The following TMEM229B variants were observed in gnomAD, a reference collection of about 807,000 sequenced individuals.
TMEM229B encodes chromosome 14 open reading frame 83.
A neutral mutation model predicts 13.7 loss-of-function variants in TMEM229B; 6 were observed. The ratio of observed to expected loss-of-function variants is 0.44; its 90% CI spans 0.24 to 0.86. The LOEUF (loss-of-function observed/expected upper bound fraction) is 0.86. Ranked by LOEUF, TMEM229B falls within the 40% of genes least tolerant of loss-of-function variation. TMEM229B has a pLI of 0.23. For synonymous variants in TMEM229B, 107 were observed against 102.1 expected, an observed-to-expected ratio of 1.05 and a Z score of -0.29; for missense variants, 170 against 236.0, an observed-to-expected ratio of 0.72 and a Z score of 1.83.
chr14:67,498,928 C>G (rs939962680), intron 1 of TMEM229B, among the ~76,000 whole-genome samples: 1 of 152,144 alleles, frequency 6.6e-6, no homozygotes, highest in African/African-American at 2.4e-5. Context: ...CTTGGCCTCC[C>G]AAAATGCTGG....
intron 2 of TMEM229B, among the ~76,000 whole-genome samples, chr14:67,475,066 C>T (rs192254349): frequency 1.3e-5 from 2 of 152,072 alleles, no homozygotes; most frequent in African/African-American, 4.8e-5. Flanking sequence ...CAGGCACACA[C>T]CATCATGCCC....
chr14:67,488,089 C>G (rs2031980265), intron 1 of TMEM229B, among the ~76,000 whole-genome samples: 1 of 152,236 alleles, frequency 6.6e-6, no homozygotes, highest in African/African-American at 2.4e-5. Context: ...CCAGCATGGC[C>G]CTCTGGGACA....
At chr14:67,479,721 A>G (rs1238777044) in intron 2 of TMEM229B, among the ~76,000 whole-genome samples, 9 of 152,194 alleles carry the variant, frequency 5.9e-5, no homozygotes, top group Non-Finnish European at 1.5e-5. Context: ...CCGTCTCAAA[A>G]AAGGAAAAAA....
intron 1 of TMEM229B, among the ~76,000 whole-genome samples, chr14:67,527,387 G>A (rs992390836): frequency 2.0e-5 from 3 of 152,070 alleles, no homozygotes; most frequent in Admixed American, 6.5e-5. Flanking sequence ...GCAGTGAGCC[G>A]ATATCGCACC....
chr14:67,502,975 C>T (rs993209040), intron 1 of TMEM229B, among the ~76,000 whole-genome samples: 1 of 152,032 alleles, frequency 6.6e-6, no homozygotes, highest in African/African-American at 2.4e-5. Context: ...ATATTAAAAA[C>T]TGAAGGGATA....
Position 67,473,345 on chromosome 14 carries a change from G to A in TMEM229B, c.*75C>T, listed in dbSNP as rs1329496276. 15 of 1,560,308 alleles carry A rather than the reference G, an allele frequency of 9.6e-6. No individual in the cohort carries two copies. The highest frequency in any genetic ancestry group is 7.0e-6 in the Non-Finnish European group (8 of 1,150,876). ...GAGCAGGGCTTTTGCTGCATGGATG[G>A]GGCAACCTCACCAGCTTGGTCTCTT... is the stretch of plus-strand genomic sequence containing the variant. On this transcript the variant is annotated 3_prime_UTR_variant, in exon 3 of 3. Transcript: ENST00000554480. This position sits in a 1 kb window ranked among gnomAD's most constrained non-coding sequence, Gnocchi z 6.5.
Position 67,473,443 on chromosome 14 carries a change from T to C in TMEM229B, c.481A>G (p.Asn161Asp). ...GEPSGALALA[N>D]GHVKTD ...GCTCAGTCAGTCTTGACATGGCCGTTGGCCAGGGCTAGGGCGCCGCTGGGC... is the reference window on the plus strand; with the variant it reads ...GCTCAGTCAGTCTTGACATGGCCGTCGGCCAGGGCTAGGGCGCCGCTGGGC... Residue 161 changes from asparagine to aspartate, a missense_variant, in exon 3 of 3, where the codon AAC becomes GAC. By Grantham distance (23) the Asn-to-Asp change is conservative. This residue lies in a region of TMEM229B where 70 missense variants were observed against 60.9 expected (regional missense o/e 1.15). Coordinates refer to ENST00000554480, the MANE Select transcript of TMEM229B (RefSeq NM_001348543.2). This position sits in a 1 kb window ranked among gnomAD's most constrained non-coding sequence, Gnocchi z 6.5. 1.2e-6 allele frequency: 2 copies of C among 1,614,094 alleles called. No individual in the cohort carries two copies. Among genetic ancestry groups the C allele is most frequent in the Non-Finnish European group, 1.7e-6 (2 of 1,180,012 alleles).
At chr14:67,478,131 G>A (rs761691275) in intron 2 of TMEM229B, among the ~76,000 whole-genome samples, 2 of 152,226 alleles carry the variant, frequency 1.3e-5, no homozygotes, top group Non-Finnish European at 2.9e-5. Flanking sequence ...GTTGGCAGAC[G>A]GCTGGGGCAG....
intron 1 of TMEM229B, among the ~76,000 whole-genome samples, chr14:67,509,459 C>T (rs777187345): frequency 2.6e-5 from 4 of 152,152 alleles, no homozygotes; most frequent in African/African-American, 4.8e-5. Flanking sequence ...GCTGGGACTA[C>T]AGGCACGAGC....
chr14:67,485,405 G>C (rs571508269), intron 2 of TMEM229B, among the ~76,000 whole-genome samples: 14 of 152,306 alleles, frequency 9.2e-5, no homozygotes, highest in Non-Finnish European at 1.8e-4. Context: ...TTCTGGCCCT[G>C]AATTATAAAC....
At chr14:67,511,399 C>T (rs1424308623) in intron 1 of TMEM229B, among the ~76,000 whole-genome samples, 4 of 152,108 alleles carry the variant, frequency 2.6e-5, no homozygotes, top group South Asian at 2.1e-4. Flanking sequence ...ATGGAGCAGC[C>T]GGAAGGAGCA....
At chr14:67,490,073 T>A (rs117696503), upstream of TMEM229B, among the ~76,000 whole-genome samples, 1,067 of 152,274 alleles carry the variant, frequency 7.0e-3, 11 homozygotes, top group Non-Finnish European at 8.1e-3. Context: ...TTCTGCTGGA[T>A]GGATGGACAG....
intron 1 of TMEM229B, among the ~76,000 whole-genome samples, chr14:67,521,184 T>G (rs2033286080): frequency 6.6e-6 from 1 of 152,210 alleles, no homozygotes; most frequent in Non-Finnish European, 1.5e-5. Context: ...TAGAGCTGGG[T>G]GACACATCAT....
At chr14:67,516,346 TGCCGAG>T (rs1473457859), upstream of TMEM229B, among the ~76,000 whole-genome samples, 1 of 152,104 alleles carries the variant, frequency 6.6e-6, no homozygotes, top group African/African-American at 2.4e-5. Context: ...ACCCTATGCA[TGCCGAG>T]GCCTGATCTG....
At chr14:67,531,480 A>G (rs2033448022) in intron 1 of TMEM229B, among the ~76,000 whole-genome samples, 1 of 152,132 alleles carries the variant, frequency 6.6e-6, no homozygotes. Context: ...CCCCAAACTC[A>G]TTGAAAGTAA....
At chr14:67,495,265 G>T (rs2032322263) in intron 1 of TMEM229B, among the ~76,000 whole-genome samples, 1 of 151,990 alleles carries the variant, frequency 6.6e-6, no homozygotes, top group Non-Finnish European at 1.5e-5. Flanking sequence ...CTTCCAATTT[G>T]GCCCTCCTTT....
chr14:67,533,515 C>G (rs1330121789), intron 1 of TMEM229B: 1 of 151,918 alleles, frequency 6.6e-6, no homozygotes, highest in Non-Finnish European at 1.5e-5. Context: ...GAGCAGGTGC[C>G]TCCCTACCTG....
chr14:67,493,190 T>TCA (rs1297645615), upstream of TMEM229B, among the ~76,000 whole-genome samples: 3 of 152,178 alleles, frequency 2.0e-5, no homozygotes, highest in African/African-American at 7.2e-5. Flanking sequence ...CAGTTTATCT[T>TCA]CAAAGGTTTC....
chr14:67,510,015 A>T (rs1051442343), intron 1 of TMEM229B, among the ~76,000 whole-genome samples: 2 of 101,332 alleles, frequency 2.0e-5, no homozygotes, highest in African/African-American at 5.7e-5. Flanking sequence ...GTCTCTAAAA[A>T]AATTTTTTTA....
Sources: allele counts gnomAD v4.1 joint callset (sites outside exome capture counted in the v4.1 genomes callset), GRCh38; gene constraint gnomAD v4.1.1; regional missense constraint gnomAD v4.1.1; non-coding constraint Gnocchi (gnomAD v3.1); transcripts MANE v1.5; gene names NCBI Gene and HGNC (gene_info 2026-07-23, HGNC 2026-07-21).